The following EPHB1 variants were observed in gnomAD, a reference collection of about 807,000 sequenced individuals.
EPHB1 encodes the protein EPH receptor B1.
EPHB1 carries 30 observed loss-of-function variants against 94.4 expected under a neutral mutation model. That is an observed-to-expected ratio of 0.32 (90% CI 0.24 to 0.43). The LOEUF (loss-of-function observed/expected upper bound fraction) is 0.43, where lower values mean the gene tolerates loss of function less well. Ranked by LOEUF, EPHB1 falls within the 20% of genes least tolerant of loss-of-function variation. The probability of loss-of-function intolerance (pLI) is 1.00; values close to 1 mark genes in which losing one functional copy is unlikely to be tolerated. For missense variants in EPHB1, 1,055 were observed against 1,308.3 expected, an observed-to-expected ratio of 0.81 and a Z score of 2.99; for synonymous variants, 522 against 489.1, an observed-to-expected ratio of 1.07 and a Z score of -0.89.
intron 2 of EPHB1, among the ~76,000 whole-genome samples, chr3:134,949,390 C>G (rs1280962367): frequency 6.6e-6 from 1 of 150,806 alleles, no homozygotes; most frequent in Non-Finnish European, 1.5e-5. Context: ...GCATGCAGGG[C>G]CAGCTCTCAA....
chr3:134,902,011 T>A (rs1304252354), intron 1 of EPHB1, among the ~76,000 whole-genome samples: 1 of 152,210 alleles, frequency 6.6e-6, no homozygotes, highest in Non-Finnish European at 1.5e-5. Flanking sequence ...GAAAGGGAGC[T>A]TGTACTTTTC....
chr3:135,010,382 CA>C (rs572776201), intron 3 of EPHB1, among the ~76,000 whole-genome samples: 26 of 152,202 alleles, frequency 1.7e-4, no homozygotes, highest in Non-Finnish European at 2.4e-4. Context: ...AATACACAGG[CA>C]TTTTTTTTCT....
intron 3 of EPHB1, among the ~76,000 whole-genome samples, chr3:135,041,035 T>A (rs2107765863): frequency 6.6e-6 from 1 of 152,088 alleles, no homozygotes; most frequent in African/African-American, 2.4e-5. Flanking sequence ...TTAGAGGGGA[T>A]TTTCTTTTGT....
At chr3:134,823,333 A>G (rs1456594164) in intron 1 of EPHB1, among the ~76,000 whole-genome samples, 1 of 152,186 alleles carries the variant, frequency 6.6e-6, no homozygotes, top group Admixed American at 6.5e-5. Context: ...GAGGGAGGTG[A>G]CAATGAGGGG....
chr3:135,071,851 A>G (rs1576361927), intron 3 of EPHB1, among the ~76,000 whole-genome samples: 1 of 152,086 alleles, frequency 6.6e-6, no homozygotes, highest in East Asian at 1.9e-4. Context: ...TTTCACTTTG[A>G]TTGCTCCCAA....
chr3:134,966,143 C>T (rs1379057064), intron 3 of EPHB1, among the ~76,000 whole-genome samples: 1 of 152,196 alleles, frequency 6.6e-6, no homozygotes, highest in East Asian at 1.9e-4. Flanking sequence ...CTCCCTTTCA[C>T]TCTCCTCCTT....
intron 12 of EPHB1, among the ~76,000 whole-genome samples, chr3:135,212,841 C>G (rs78377533): frequency 0.075 from 11,349 of 152,200 alleles, 487 homozygotes; most frequent in South Asian, 0.15. Context: ...TTTTCCTTCT[C>G]TTGTGTTTTT....
At chr3:134,814,605 T>A (rs998660394) in intron 1 of EPHB1, among the ~76,000 whole-genome samples, 1 of 152,174 alleles carries the variant, frequency 6.6e-6, no homozygotes, top group Non-Finnish European at 1.5e-5. Flanking sequence ...GGCTTCCCTG[T>A]CCTGGGCCAG....
intron 3 of EPHB1, among the ~76,000 whole-genome samples, chr3:134,998,931 A>G (rs149844058): frequency 1.6e-3 from 240 of 152,336 alleles, no homozygotes; most frequent in Non-Finnish European, 2.3e-3. Context: ...AGGAGGAAGA[A>G]GATAAGCCAG....
intron 1 of EPHB1, among the ~76,000 whole-genome samples, chr3:134,924,996 G>A (rs973507494): frequency 6.6e-6 from 1 of 152,154 alleles, no homozygotes; most frequent in African/African-American, 2.4e-5. Flanking sequence ...GTTAATTTGT[G>A]GTGATGGTTT....
At chr3:135,057,855 A>G (rs1415423861) in intron 3 of EPHB1, among the ~76,000 whole-genome samples, 1 of 152,256 alleles carries the variant, frequency 6.6e-6, no homozygotes, top group East Asian at 1.9e-4. Flanking sequence ...CCACCTGCTC[A>G]GGCCATTGTG....
intron 12 of EPHB1, among the ~76,000 whole-genome samples, chr3:135,239,425 T>G (rs1193819115): frequency 1.3e-5 from 2 of 152,262 alleles, no homozygotes; most frequent in Non-Finnish European, 2.9e-5. Flanking sequence ...AGTGGAGGCA[T>G]GAAGTAAATG....
rs376520716 is a variant in EPHB1 at position 135,071,718 on chromosome 3, T to G, written c.806-34730T>G. ...ATCTGTACACTAATGACTCCAAAAT[T>G]TACATCTCCATCCCAGACCTGAGCT... On this transcript the variant is annotated intron_variant, in intron 3 of 15. Transcript: ENST00000398015. Among the ~76,000 whole-genome samples the G allele has an allele frequency of 5.9e-5, 9 of 152,090 alleles. No homozygotes were observed. In the East Asian group the frequency reaches 1.2e-3, roughly 20 times the overall value.
chr3:134,839,712 A>G (rs1002870234), intron 1 of EPHB1, among the ~76,000 whole-genome samples: 2 of 152,160 alleles, frequency 1.3e-5, no homozygotes, highest in Non-Finnish European at 2.9e-5. Flanking sequence ...AGTGGTGAGT[A>G]ATGGGGGATG....
intron 3 of EPHB1, among the ~76,000 whole-genome samples, chr3:134,954,231 C>T (rs982289631): frequency 6.6e-6 from 1 of 152,170 alleles, no homozygotes; most frequent in African/African-American, 2.4e-5. Context: ...AAATCTTTGC[C>T]CTTAACTCTG....
chr3:135,080,454 G>C (rs1938123817), intron 3 of EPHB1, among the ~76,000 whole-genome samples: 1 of 152,218 alleles, frequency 6.6e-6, no homozygotes, highest in Non-Finnish European at 1.5e-5. Context: ...CCTTCTTAAT[G>C]ATAAAGGGTG....
At chr3:134,945,378 C>A (rs189397419) in intron 2 of EPHB1, among the ~76,000 whole-genome samples, 18 of 152,176 alleles carry the variant, frequency 1.2e-4, no homozygotes, top group African/African-American at 3.4e-4. Flanking sequence ...ATGTTTAAAT[C>A]TTGGGTTCAC....
chr3:135,153,090 A>G (rs1488707464), intron 5 of EPHB1, among the ~76,000 whole-genome samples: 1 of 152,236 alleles, frequency 6.6e-6, no homozygotes, highest in Non-Finnish European at 1.5e-5. Context: ...TAGTGGAGAA[A>G]GCAGCAGCCA....
intron 9 of EPHB1, among the ~76,000 whole-genome samples, chr3:135,171,481 C>T (rs1941799537): frequency 6.6e-6 from 1 of 152,144 alleles, no homozygotes; most frequent in Non-Finnish European, 1.5e-5. Flanking sequence ...GTGTAGGTAA[C>T]ATTTGGAGAG....
Sources: allele counts gnomAD v4.1 joint callset (sites outside exome capture counted in the v4.1 genomes callset), GRCh38; gene constraint gnomAD v4.1.1; transcripts MANE v1.5; gene names NCBI Gene and HGNC (gene_info 2026-07-23, HGNC 2026-07-21).